Variants in PRICKLE2 observed in about 807,000 individuals in gnomAD.
PRICKLE2 encodes prickle planar cell polarity protein 2.
In PRICKLE2, 21 loss-of-function variants were observed where a neutral mutation model predicts 81.4. The ratio of observed to expected loss-of-function variants is 0.26; its 90% CI spans 0.18 to 0.37. The LOEUF (loss-of-function observed/expected upper bound fraction) is 0.37, where lower values mean the gene tolerates loss of function less well. Ranked by LOEUF, PRICKLE2 falls within the 10% of genes least tolerant of loss-of-function variation. The probability of loss-of-function intolerance (pLI) is 1.00; values close to 1 mark genes in which losing one functional copy is unlikely to be tolerated. For synonymous variants in PRICKLE2, 456 were observed against 421.5 expected (o/e 1.08, Z -1.00); for missense variants, 940 against 1,109.0 (o/e 0.85, Z 2.16).
At chr3:64,212,679 A>T (rs1300411489) in intron 1 of PRICKLE2, among the ~76,000 whole-genome samples, 1 of 152,216 alleles carries the variant, frequency 6.6e-6, no homozygotes, top group East Asian at 1.9e-4. Flanking sequence ...TTGGGCTCAA[A>T]TCCTAACTTC....
chr3:64,201,668 A>AT (rs1473979890), intron 1 of PRICKLE2, among the ~76,000 whole-genome samples: 2 of 152,036 alleles, frequency 1.3e-5, no homozygotes, highest in Non-Finnish European at 2.9e-5. Flanking sequence ...TGATAGGAAC[A>AT]TTTTTTCTTC....
chr3:64,128,842 T>C (rs2077154424), intron 7 of PRICKLE2, among the ~76,000 whole-genome samples: 1 of 151,274 alleles, frequency 6.6e-6, no homozygotes, highest in Non-Finnish European at 1.5e-5. Flanking sequence ...ATCCCCTCCC[T>C]CTCTCCTCCA....
chr3:64,139,614 A>C (rs917246327), intron 7 of PRICKLE2, among the ~76,000 whole-genome samples: 1 of 152,188 alleles, frequency 6.6e-6, no homozygotes, highest in African/African-American at 2.4e-5. Flanking sequence ...AAATTGGATC[A>C]TGTCACCTCC....
chr3:64,160,010 T>G lies in PRICKLE2; in HGVS notation c.326A>C (p.Lys109Thr), dbSNP rs1357980540. The change falls in exon 4 of 8, where the codon AAA becomes ACA. Residue 109 changes from lysine (K) to threonine (T), a missense_variant. Coordinates refer to ENST00000638394, the MANE Select transcript of PRICKLE2 (RefSeq NM_198859.4). ...ATTCCCGCGGCCCAAGTTTTCGCGT[T>G]TCCTCTGGCTGCTGAAAAGCTTCAG... is the stretch of plus-strand genomic sequence containing the variant. Reference protein sequence around the residue: ...RELKLFSSQRKRENLGRGNVR... With the variant: ...RELKLFSSQRTRENLGRGNVR... 1 of 1,614,210 alleles carries G rather than the reference T, an allele frequency of 6.2e-7. No homozygotes were observed. Among genetic ancestry groups the G allele is most frequent in the South Asian group, 1.1e-5 (1 of 91,086 alleles).
intron 7 of PRICKLE2, among the ~76,000 whole-genome samples, chr3:64,143,905 C>T (rs1349618036): frequency 2.6e-5 from 4 of 152,008 alleles, no homozygotes; most frequent in African/African-American, 9.7e-5. Context: ...GCACTAATTG[C>T]TCCCTTCTAA....
At chr3:64,108,680 C>G (rs1252825649) in intron 7 of PRICKLE2, among the ~76,000 whole-genome samples, 1 of 152,158 alleles carries the variant, frequency 6.6e-6, no homozygotes, top group Admixed American at 6.5e-5. Context: ...AACGAGATCC[C>G]TGGTGATTCT....
intron 7 of PRICKLE2, among the ~76,000 whole-genome samples, chr3:64,140,415 G>T (rs1349393635): frequency 6.6e-6 from 1 of 152,136 alleles, no homozygotes; most frequent in Non-Finnish European, 1.5e-5. Flanking sequence ...TTACCTAGAG[G>T]TCCTTCCTAT....
At chr3:64,143,388 C>T (rs2077393759) in intron 7 of PRICKLE2, among the ~76,000 whole-genome samples, 1 of 152,026 alleles carries the variant, frequency 6.6e-6, no homozygotes, top group African/African-American at 2.4e-5. Context: ...GGCAAAGGGG[C>T]ATTAGTTGCT....
At chr3:64,262,513 C>G (rs1559610306) in intron 2 of PRICKLE2, among the ~76,000 whole-genome samples, 1 of 151,864 alleles carries the variant, frequency 6.6e-6, no homozygotes, top group Non-Finnish European at 1.5e-5. Context: ...TGTGACTCCA[C>G]TAGTCAAGAG....
intron 2 of PRICKLE2, among the ~76,000 whole-genome samples, chr3:64,231,623 G>C (rs1350634277): frequency 2.0e-5 from 3 of 152,282 alleles, no homozygotes; most frequent in Middle Eastern, 3.4e-3. Flanking sequence ...GCCTCATAAA[G>C]TAGCAAACTG....
At chr3:64,251,083 T>C (rs1052294981) in intron 2 of PRICKLE2, among the ~76,000 whole-genome samples, 5 of 152,214 alleles carry the variant, frequency 3.3e-5, no homozygotes, top group Non-Finnish European at 4.4e-5. Context: ...ATGTTGGATA[T>C]GCAAATAGGT....
upstream of PRICKLE2, among the ~76,000 whole-genome samples, chr3:64,229,647 T>C (rs184765080): frequency 3.9e-5 from 6 of 152,330 alleles, no homozygotes; most frequent in African/African-American, 1.2e-4. Flanking sequence ...TTTAGATTAC[T>C]ACCTTCTGGC....
chr3:64,107,922 C>T (rs1469067638), intron 7 of PRICKLE2, among the ~76,000 whole-genome samples: 2 of 152,222 alleles, frequency 1.3e-5, no homozygotes, highest in Non-Finnish European at 2.9e-5. Context: ...ACGTAGCTCC[C>T]TTTCATTAGG....
intron 2 of PRICKLE2, among the ~76,000 whole-genome samples, chr3:64,177,662 C>G (rs563758184): frequency 1.6e-4 from 25 of 152,330 alleles, no homozygotes; most frequent in African/African-American, 6.0e-4. Context: ...TAAGTGGAAT[C>G]ATGCAATATT....
chr3:64,233,453 A>G (rs1451852698), intron 2 of PRICKLE2, among the ~76,000 whole-genome samples: 2 of 152,184 alleles, frequency 1.3e-5, no homozygotes, highest in African/African-American at 2.4e-5. Flanking sequence ...TTCCTGTCAC[A>G]TGAACACTGG....
intron 2 of PRICKLE2, among the ~76,000 whole-genome samples, chr3:64,169,119 G>T (rs2077888596): frequency 6.6e-6 from 1 of 152,180 alleles, no homozygotes; most frequent in African/African-American, 2.4e-5. Context: ...ACGGAAGGGT[G>T]TGACTTCTGG....
chr3:64,167,915 T>C (rs553785166), intron 2 of PRICKLE2, among the ~76,000 whole-genome samples: 20 of 152,246 alleles, frequency 1.3e-4, no homozygotes, highest in Admixed American at 3.9e-4. Context: ...ACTTTGTGAG[T>C]TTTAGAGCTT....
At chr3:64,148,755 C>G (rs931784106) in intron 6 of PRICKLE2, among the ~76,000 whole-genome samples, 5 of 152,182 alleles carry the variant, frequency 3.3e-5, no homozygotes, top group Admixed American at 3.3e-4. Flanking sequence ...TATATGATGA[C>G]TCTGCCAGAA....
chr3:64,254,707 C>T (rs193172131), intron 2 of PRICKLE2, among the ~76,000 whole-genome samples: 1 of 152,296 alleles, frequency 6.6e-6, no homozygotes, highest in African/African-American at 2.4e-5. Context: ...CCTCTCAAGT[C>T]AAAATTAATC....
Sources: gnomAD v4.1 joint callset for allele counts (sites outside exome capture counted in the v4.1 genomes callset) on GRCh38, gnomAD v4.1.1 for gene constraint, MANE v1.5 for transcripts, NCBI Gene and HGNC (gene_info 2026-07-23, HGNC 2026-07-21) for gene names.